The following PHF14 variants were observed in gnomAD, a reference collection of about 807,000 sequenced individuals.
PHF14 encodes the protein PHD finger protein 14.
A neutral mutation model predicts 117.9 loss-of-function variants in PHF14; 55 were observed. The observed-to-expected ratio is 0.47, with a 90% CI of 0.38 to 0.58. PHF14 has a LOEUF of 0.58. Among genes scored for constraint, PHF14 ranks in the 20% least tolerant of loss-of-function variants. The pLI is 0.00. For synonymous variants in PHF14, 409 were observed against 368.6 expected, an observed-to-expected ratio of 1.11 and a Z score of -1.26; for missense variants, 978 against 1,122.2, an observed-to-expected ratio of 0.87 and a Z score of 1.84.
chr7:11,079,947 T>A (rs1786019848), intron 16 of PHF14, among the ~76,000 whole-genome samples: 1 of 152,170 alleles, frequency 6.6e-6, no homozygotes, highest in Non-Finnish European at 1.5e-5. Context: ...ATACTTTTGA[T>A]TGTCACTTTT....
chr7:11,042,662 A>T (rs760261483), intron 12 of PHF14, 21 bp from the exon 13 acceptor site: 13 of 1,523,632 alleles, frequency 8.5e-6, no homozygotes, highest in Non-Finnish European at 8.9e-7. Flanking sequence ...TGAAATCTTT[A>T]CTTGCTGCCT....
intron 16 of PHF14, chr7:11,103,511 G>A (rs572368148): frequency 8.1e-6 from 8 of 984,734 alleles, no homozygotes; most frequent in East Asian, 1.1e-4. Context: ...TTAAGTCAAC[G>A]GCAGAAGTAT....
intron 16 of PHF14, chr7:11,063,447 T>C: frequency 1.0e-6 from 1 of 976,722 alleles, no homozygotes; most frequent in African/African-American, 1.7e-5. Context: ...TCTTATATAA[T>C]GAACAAAAAT....
intron 2 of PHF14, among the ~76,000 whole-genome samples, chr7:10,979,649 G>T (rs1781988207): frequency 6.7e-6 from 1 of 148,438 alleles, no homozygotes; most frequent in Admixed American, 6.7e-5. Flanking sequence ...CAAGGGCCTT[G>T]ATTTTTCTCA....
intron 16 of PHF14, among the ~76,000 whole-genome samples, chr7:11,069,439 T>C (rs1205232598): frequency 1.3e-5 from 2 of 152,168 alleles, no homozygotes; most frequent in African/African-American, 2.4e-5. Flanking sequence ...GAACAGTGTT[T>C]GCTGGGCTCT....
chr7:11,023,742 C>A (rs1378727664), intron 6 of PHF14, among the ~76,000 whole-genome samples: 1 of 152,062 alleles, frequency 6.6e-6, no homozygotes, highest in Non-Finnish European at 1.5e-5. Flanking sequence ...GCAGGAGAAT[C>A]GCTTGAACCC....
intron 4 of PHF14, among the ~76,000 whole-genome samples, chr7:11,004,265 AAAAAG>A (rs1442985943): frequency 6.7e-6 from 1 of 149,264 alleles, no homozygotes; most frequent in South Asian, 2.1e-4. Flanking sequence ...AAAAAAAAAA[AAAAAG>A]AAAAGAAAAA....
chr7:11,144,321 C>T (rs1294149109), intron 17 of PHF14, among the ~76,000 whole-genome samples: 1 of 151,784 alleles, frequency 6.6e-6, no homozygotes, highest in Non-Finnish European at 1.5e-5. Flanking sequence ...CTCAAAAAAA[C>T]TAAAAGTAGA....
chr7:10,993,313 C>G (rs1193617381), intron 4 of PHF14, among the ~76,000 whole-genome samples: 1 of 152,082 alleles, frequency 6.6e-6, no homozygotes, highest in Non-Finnish European at 1.5e-5. Context: ...TATTACAGCC[C>G]TTGTCCCAAG....
chr7:10,996,414 A>C (rs376209903), intron 4 of PHF14, among the ~76,000 whole-genome samples: 1 of 152,214 alleles, frequency 6.6e-6, no homozygotes, highest in African/African-American at 2.4e-5. Context: ...CTAGTACTTT[A>C]GAGGAGATGG....
intron 16 of PHF14, among the ~76,000 whole-genome samples, chr7:11,076,021 T>A (rs1001857740): frequency 3.3e-5 from 5 of 152,024 alleles, no homozygotes; most frequent in Non-Finnish European, 7.4e-5. Context: ...CGCCTGTAGT[T>A]CCAGCTACTC....
intron 7 of PHF14, among the ~76,000 whole-genome samples, chr7:11,033,519 T>A (rs1396351595): frequency 2.0e-5 from 3 of 152,178 alleles, no homozygotes; most frequent in Non-Finnish European, 4.4e-5. Context: ...CATGGCCACA[T>A]CTAGCTGTGG....
chr7:10,975,494 C>G (rs1322283514), intron 2 of PHF14, among the ~76,000 whole-genome samples: 1 of 152,052 alleles, frequency 6.6e-6, no homozygotes, highest in Non-Finnish European at 1.5e-5. Flanking sequence ...TGCTTGCTCA[C>G]TATATTTAGT....
intron 4 of PHF14, 139 bp from the exon 5 acceptor site, chr7:11,013,608 G>A: frequency 2.0e-6 from 1 of 494,980 alleles, no homozygotes; most frequent in Non-Finnish European, 3.6e-6. Context: ...GTTTATTTCT[G>A]TATTTTAATA....
intron 17 of PHF14, among the ~76,000 whole-genome samples, chr7:11,165,460 A>G (rs995829404): frequency 3.9e-5 from 6 of 152,178 alleles, no homozygotes; most frequent in African/African-American, 1.2e-4. Flanking sequence ...TTACATCAAC[A>G]TCTATAAAGA....
rs145900020 is a variant in PHF14, at chr7:11,104,722, C to G, written c.2655-6628C>G. 2.0e-4 allele frequency: 144 copies of G among 715,848 alleles called. 3 individuals are homozygous for G. In the East Asian group the frequency reaches 0.016, roughly 78 times the overall value. 44.3% of individuals were successfully genotyped at this position (715,848 alleles called of 1,614,324 possible). ...TAAAAACACAGGTGACTACCCTATT[C>G]CTCTCCTGGATCTGCCCTCTGCCCA... On this transcript the variant is annotated intron_variant, in intron 16 of 17. Transcript: ENST00000634607.
At chr7:11,032,607 A>G (rs954914918) in intron 7 of PHF14, among the ~76,000 whole-genome samples, 1 of 152,210 alleles carries the variant, frequency 6.6e-6, no homozygotes, top group Non-Finnish European at 1.5e-5. Flanking sequence ...AGAGTTAAAA[A>G]AGAAAACCTT....
intron 16 of PHF14, among the ~76,000 whole-genome samples, chr7:11,088,075 C>G (rs1374021354): frequency 6.6e-6 from 1 of 152,058 alleles, no homozygotes; most frequent in Non-Finnish European, 1.5e-5. Context: ...GCATTGATTC[C>G]AGGACCGCTC....
chr7:11,108,042 T>A (rs1405270298), intron 16 of PHF14: 1 of 151,656 alleles, frequency 6.6e-6, no homozygotes, highest in African/African-American at 2.4e-5. Context: ...TATTTGTGTG[T>A]AAAATTAATA....
Sources: allele counts gnomAD v4.1 joint callset (sites outside exome capture counted in the v4.1 genomes callset), GRCh38; gene constraint gnomAD v4.1.1; transcripts MANE v1.5; gene names NCBI Gene and HGNC (gene_info 2026-07-23, HGNC 2026-07-21).